HEPH: variants seen among roughly 807,000 people sequenced by gnomAD.
HEPH encodes hephaestin.
HEPH carries 69 observed loss-of-function variants against 80.8 expected under a neutral mutation model. The ratio of observed to expected loss-of-function variants is 0.85; its 90% CI spans 0.70 to 1.04. HEPH has a LOEUF of 1.04. HEPH is among the 50% of genes least tolerant of loss of function. The probability of loss-of-function intolerance (pLI) is 0.00; values close to 1 mark genes in which losing one functional copy is unlikely to be tolerated. For synonymous variants in HEPH, 431 were observed against 322.8 expected, an observed-to-expected ratio of 1.34 and a Z score of -3.60; for missense variants, 1,115 against 891.3, an observed-to-expected ratio of 1.25 and a Z score of -3.20.
intron 15 of HEPH, among the ~76,000 whole-genome samples, chrX:66,219,236 G>A (rs781644302): frequency 1.8e-5 from 2 of 112,196 alleles, no homozygotes; most frequent in South Asian, 7.5e-4. Context: ...CCTATTATAA[G>A]AGTTTTAAAT....
chrX:66,198,798 C>A (rs758294155), intron 10 of HEPH, 80 bp from the exon 11 acceptor site: 153 of 741,978 alleles, frequency 2.1e-4, no homozygotes, highest in Admixed American at 1.6e-3. Flanking sequence ...ATCTGGCATC[C>A]CTTGATCTGT....
chrX:66,186,473 C>T (rs1306668586), intron 4 of HEPH, among the ~76,000 whole-genome samples: 5 of 112,213 alleles, frequency 4.5e-5, no homozygotes, highest in African/African-American at 1.6e-4. Context: ...TTTCCAGGTG[C>T]GTCCATCACC....
At chrX:66,220,297 A>G (rs1352137520) in intron 15 of HEPH, among the ~76,000 whole-genome samples, 1 of 111,734 alleles carries the variant, frequency 8.9e-6, no homozygotes, top group Non-Finnish European at 1.9e-5. Context: ...TGGCACATTC[A>G]GTTTATCATA....
At chrX:66,268,149 T>C, downstream of HEPH, 1 of 111,970 alleles carries the variant, frequency 8.9e-6, no homozygotes, top group East Asian at 2.8e-4. Flanking sequence ...ATTCATGTAT[T>C]CATCTGTTTG....
At chrX:66,265,589 G>C (rs1456806) in intron 20 of HEPH, among the ~76,000 whole-genome samples, 67,878 of 109,689 alleles carry the variant, frequency 0.62, 18,382 homozygotes, top group East Asian at 1. Context: ...ACAGGCGCTT[G>C]GAAAACATAG....
At chrX:66,212,233 A>G (rs1447596752) in intron 15 of HEPH, among the ~76,000 whole-genome samples, 8 of 98,295 alleles carry the variant, frequency 8.1e-5, no homozygotes, top group African/African-American at 2.9e-4. Context: ...TTGGTATTCT[A>G]GTATTAGTCT....
chrX:66,173,699 G>A lies in HEPH; in HGVS notation c.523G>A (p.Asp175Asn), dbSNP rs953040725. ...WTIPEGHAPT[D>N]ADPACLTWIY... ...CATTCCAGAAGGCCATGCACCCACC[G>A]ATGCTGACCCAGCGTGCCTCACCTG... is the stretch of plus-strand genomic sequence containing the variant. The change falls in exon 4 of 21, where the codon GAT (aspartate) becomes AAT (asparagine). Residue 175 changes from aspartate to asparagine, a missense_variant. Coordinates refer to ENST00000343002, the MANE Select transcript of HEPH (RefSeq NM_001367233.3). 5.8e-6 allele frequency: 7 copies of A among 1,208,138 alleles called. No individual in the cohort carries two copies. The highest frequency in any genetic ancestry group is 2.2e-5 in the Admixed American group (1 of 45,638).
At chrX:66,240,808 A>T (rs185535170) in intron 15 of HEPH, among the ~76,000 whole-genome samples, 1 of 112,224 alleles carries the variant, frequency 8.9e-6, no homozygotes, top group Non-Finnish European at 1.9e-5. Context: ...TTCCCTACAT[A>T]CCTATACTAC....
At chrX:66,250,215 C>T (rs2090955665) in intron 15 of HEPH, among the ~76,000 whole-genome samples, 2 of 111,542 alleles carry the variant, frequency 1.8e-5, no homozygotes, top group Admixed American at 1.9e-4. Context: ...CTCTTTCCAA[C>T]ACTCAACATG....
chrX:66,262,195 G>A (rs1159186758), intron 19 of HEPH, among the ~76,000 whole-genome samples: 1 of 112,101 alleles, frequency 8.9e-6, no homozygotes, highest in Non-Finnish European at 1.9e-5. Context: ...AAAAGACAGA[G>A]GGAAAAGACT....
intron 4 of HEPH, among the ~76,000 whole-genome samples, chrX:66,188,051 G>C (rs2087567103): frequency 9.0e-6 from 1 of 111,086 alleles, no homozygotes; most frequent in Non-Finnish European, 1.9e-5. Context: ...TGTCAGACTT[G>C]AAGACCAGAG....
rs1427549758 is a variant in HEPH at position 66,264,530 on chromosome X, G to C, written c.3244+842G>C. On this transcript the variant is annotated intron_variant, in intron 20 of 20. Transcript: ENST00000343002. ...TTTCTGTGCAGCCCAGGTCCAAATA[G>C]TGTTGTTATTCTCCACCTCATTTGT... 2.7e-5 allele frequency among the ~76,000 whole-genome samples: 3 copies of C among 109,146 alleles called. No individual in the cohort carries two copies. The Admixed American group carries it at 3.0e-4, about 11-fold the overall frequency. 94.8% of individuals were successfully genotyped at this position (109,146 alleles called of 115,157 possible). A position where few individuals can be genotyped will look rare whatever the true frequency, so the allele number is the denominator to read the frequency against.
chrX:66,216,911 C>CA (rs1383737868), intron 15 of HEPH, among the ~76,000 whole-genome samples: 1 of 111,420 alleles, frequency 9.0e-6, no homozygotes, highest in Non-Finnish European at 1.9e-5. Flanking sequence ...AAAGTCACAG[C>CA]AGTAGAATTG....
chrX:66,183,569 G>A (rs2087258223), intron 4 of HEPH, among the ~76,000 whole-genome samples: 1 of 33,615 alleles, frequency 3.0e-5, no homozygotes, highest in East Asian at 8.1e-4. Flanking sequence ...ATTTTTTATT[G>A]TGTCTATTTG....
intron 18 of HEPH, among the ~76,000 whole-genome samples, 188 bp from the exon 19 acceptor site, chrX:66,259,912 G>A (rs949823699): frequency 9.2e-6 from 1 of 108,408 alleles, no homozygotes; most frequent in Non-Finnish European, 1.9e-5. Context: ...TTTTTTAGTA[G>A]AGACGGGGTT....
intron 15 of HEPH, among the ~76,000 whole-genome samples, chrX:66,215,867 A>G (rs187712950): frequency 1.8e-3 from 200 of 109,796 alleles, no homozygotes; most frequent in Admixed American, 5.5e-3. Context: ...CTCACCAACT[A>G]CCTGGAAATA....
intron 13 of HEPH, among the ~76,000 whole-genome samples, chrX:66,205,328 C>T (rs765064187): frequency 3.0e-4 from 34 of 111,750 alleles, no homozygotes; most frequent in Admixed American, 1.0e-3. Flanking sequence ...ATAGCTACCA[C>T]TTATAAGTGA....
At chrX:66,235,811 G>C (rs1428502891) in intron 15 of HEPH, among the ~76,000 whole-genome samples, 2 of 111,689 alleles carry the variant, frequency 1.8e-5, no homozygotes, top group Admixed American at 9.5e-5. Flanking sequence ...TAGTGATATT[G>C]ATTCTGTCTA....
At position 66,224,638 on chromosome X, in the gene HEPH, G is replaced by A. The variant is rs1249548105; in HGVS notation, c.2563+16392G>A. The stretch of plus-strand genomic sequence containing the variant: ...ATTTGGGCCATCCAGGGGTTACTGG[G>A]TTAAGGATTTTTGATAGGAAGGCTT... On this transcript the variant is annotated intron_variant, in intron 15 of 20. Transcript: ENST00000343002. Among the ~76,000 whole-genome samples the A allele has an allele frequency of 1.2e-4, 14 of 112,060 alleles. 1 individual carries two copies. The highest frequency in any genetic ancestry group is 2.4e-4 in the Non-Finnish European group (13 of 53,243).
Sources: gnomAD v4.1 joint callset for allele counts (sites outside exome capture counted in the v4.1 genomes callset) on GRCh38, gnomAD v4.1.1 for gene constraint, MANE v1.5 for transcripts, NCBI Gene and HGNC (gene_info 2026-07-23, HGNC 2026-07-21) for gene names.